Variants in KCND3 observed in about 807,000 individuals in gnomAD.
KCND3 encodes the protein A-type voltage-gated potassium channel KCND3.
Under a neutral mutation model 51.1 loss-of-function variants are expected in KCND3, and 9 were observed. The observed-to-expected ratio is 0.18, with a 90% confidence interval of 0.11 to 0.31. The LOEUF is 0.31. Ranked by LOEUF, KCND3 falls within the 10% of genes least tolerant of loss-of-function variation. The probability of loss-of-function intolerance (pLI) is 1.00; values close to 1 mark genes in which losing one functional copy is unlikely to be tolerated. For missense variants in KCND3, 526 were observed against 903.8 expected (o/e 0.58, Z 5.36); for synonymous variants, 349 against 368.0 (o/e 0.95, Z 0.59).
intron 2 of KCND3, among the ~76,000 whole-genome samples, chr1:111,848,892 G>A (rs1667685066): frequency 6.6e-6 from 1 of 152,142 alleles, no homozygotes; most frequent in South Asian, 2.1e-4. Context: ...CATCCACAGG[G>A]GCTGGGGGCA....
chr1:111,952,818 G>A (rs1320745792), intron 2 of KCND3, among the ~76,000 whole-genome samples: 1 of 152,170 alleles, frequency 6.6e-6, no homozygotes, highest in East Asian at 1.9e-4. Context: ...AAGCCAGCAA[G>A]GGGAGGGAAA....
At chr1:111,906,971 A>C (rs1333191768) in intron 2 of KCND3, among the ~76,000 whole-genome samples, 1 of 151,358 alleles carries the variant, frequency 6.6e-6, no homozygotes, top group Non-Finnish European at 1.5e-5. Flanking sequence ...TAAAACACCC[A>C]CTCCCCTCTT....
chr1:111,928,521 C>T (rs987682053), intron 2 of KCND3, among the ~76,000 whole-genome samples: 5 of 152,208 alleles, frequency 3.3e-5, no homozygotes, highest in East Asian at 1.9e-4. Flanking sequence ...TGGCTTCAGA[C>T]GGCATCACGC....
intron 2 of KCND3, among the ~76,000 whole-genome samples, chr1:111,889,654 G>A (rs1669734976): frequency 1.3e-5 from 2 of 152,126 alleles, no homozygotes; most frequent in African/African-American, 2.4e-5. Context: ...CAAATGTAAA[G>A]GTGAAGGGGC....
chr1:111,888,214 C>A (rs1669656729), intron 2 of KCND3, among the ~76,000 whole-genome samples: 1 of 152,128 alleles, frequency 6.6e-6, no homozygotes, highest in South Asian at 2.1e-4. Context: ...CCTCCAAGGG[C>A]CAGAGGCCAA....
In KCND3 at chr1:111,858,992, C is replaced by CA. The variant is rs538626382; in HGVS notation, c.1107-71887dup. On this transcript the variant is annotated intron_variant, in intron 2 of 7. Transcript: ENST00000302127. Reference sequence around the variant, plus strand: ...GTCATTTGGGACCTTCTGGGACCAGCAGCACAATAGCTCTCTCACTGGTCT... The same window carrying CA: ...GTCATTTGGGACCTTCTGGGACCAGCAAGCACAATAGCTCTCTCACTGGTCT... Among the ~76,000 whole-genome samples, 24 of 152,360 alleles carry CA rather than the reference C, an allele frequency of 1.6e-4. No individual in the cohort carries two copies. The South Asian group carries it at 4.8e-3, about 30-fold the overall frequency.
chr1:111,784,145 C>CACT (rs1553236817), intron 3 of KCND3, among the ~76,000 whole-genome samples: 2,618 of 125,126 alleles, frequency 0.021, 31 homozygotes, highest in East Asian at 0.039. Context: ...ACACACACAC[C>CACT]AGTCCAAGTA....
chr1:111,927,629 C>T (rs1013308580), intron 2 of KCND3, among the ~76,000 whole-genome samples: 1 of 152,184 alleles, frequency 6.6e-6, no homozygotes, highest in Non-Finnish European at 1.5e-5. Context: ...CTTCTCTTTG[C>T]CTTCTCTTCC....
intron 2 of KCND3, among the ~76,000 whole-genome samples, chr1:111,937,563 C>A (rs1158532897): frequency 6.6e-6 from 1 of 152,208 alleles, no homozygotes; most frequent in Non-Finnish European, 1.5e-5. Context: ...CACACTGGGG[C>A]TCATGCCTTT....
intron 2 of KCND3, among the ~76,000 whole-genome samples, chr1:111,861,433 C>T (rs182883960): frequency 3.9e-5 from 6 of 152,308 alleles, no homozygotes; most frequent in Admixed American, 2.0e-4. Context: ...TTCCCTCCCC[C>T]AGCCCAGTCT....
Position 111,982,063 on chromosome 1 carries a change from A to G in KCND3, c.664T>C (p.Tyr222His). 6.2e-7 allele frequency: 1 copy of G among 1,613,676 alleles called. No individual in the cohort carries two copies. Among genetic ancestry groups the G allele is most frequent in the Non-Finnish European group, 8.5e-7 (1 of 1,179,956 alleles). Reference protein sequence around the residue: ...GSKELPCGERYSVAFFCLDTA... With the variant: ...GSKELPCGERHSVAFFCLDTA... The stretch of plus-strand genomic sequence containing the variant: ...TCCAGGCAGAAGAAGGCCACCGAGT[A>G]GCGCTCCCCGCACGGCAGCTCCTTG... Residue 222 changes from tyrosine (Y) to histidine (H), a missense_variant, in exon 2 of 8, where the codon TAC becomes CAC. Tyr to His is a moderately conservative substitution (Grantham distance 83). Transcript: ENST00000302127. This position sits in a 1 kb window ranked among gnomAD's most constrained non-coding sequence, Gnocchi z 8.5.
chr1:111,772,763 GGTTT>G lies in KCND3; in HGVS notation c.*3310_*3313del, dbSNP rs748170191. On this transcript the variant is annotated 3_prime_UTR_variant, in exon 8 of 8. Coordinates refer to ENST00000302127, the MANE Select transcript of KCND3 (RefSeq NM_001378969.1). ...AATGTAACTGTTAGGTTGGTTGGTTGGTTTGTTTTTCCCTCCCCCTCTTAATGCT... is the reference window on the plus strand; with the variant it reads ...AATGTAACTGTTAGGTTGGTTGGTTGGTTTTTCCCTCCCCCTCTTAATGCT... 5.3e-5 allele frequency: 8 copies of G among 152,128 alleles called. No individual in the cohort carries two copies. Among genetic ancestry groups the G allele is most frequent in the Non-Finnish European group, 8.8e-5 (6 of 68,024 alleles). The allele number at this position is 152,128 out of a possible 1,614,324, so 9.4% of individuals were successfully genotyped here. A position where few individuals can be genotyped will look rare whatever the true frequency, so the allele number is the denominator to read the frequency against.
At chr1:111,868,126 C>G (rs962951601) in intron 2 of KCND3, among the ~76,000 whole-genome samples, 5 of 152,166 alleles carry the variant, frequency 3.3e-5, no homozygotes, top group Admixed American at 3.3e-4. Flanking sequence ...TGTGGTCAAC[C>G]ATGGTCTGAA....
intron 2 of KCND3, among the ~76,000 whole-genome samples, chr1:111,797,722 T>C (rs554701280): frequency 6.6e-6 from 1 of 152,172 alleles, no homozygotes; most frequent in South Asian, 2.1e-4. Context: ...GGAAGAACTA[T>C]GAGAAATTAC....
chr1:111,825,530 T>C (rs1666535779), intron 2 of KCND3, among the ~76,000 whole-genome samples: 1 of 152,220 alleles, frequency 6.6e-6, no homozygotes, highest in African/African-American at 2.4e-5. Flanking sequence ...TCTCTTCCTA[T>C]TCTTTCTACA....
At chr1:111,809,664 T>TGTGTGTGTGTATGC (rs1665756983) in intron 2 of KCND3, among the ~76,000 whole-genome samples, 1 of 152,114 alleles carries the variant, frequency 6.6e-6, no homozygotes, top group African/African-American at 2.4e-5. Context: ...TGTGTGTGTG[T>TGTGTGTGTGTATGC]GTGTGTGTGT....
At chr1:111,874,349 T>C (rs1668956784) in intron 2 of KCND3, among the ~76,000 whole-genome samples, 1 of 152,210 alleles carries the variant, frequency 6.6e-6, no homozygotes, top group African/African-American at 2.4e-5. Flanking sequence ...TCAAATACGC[T>C]GTTCTTTCAA....
chr1:111,959,005 C>T (rs985446578), intron 2 of KCND3, among the ~76,000 whole-genome samples: 8 of 152,216 alleles, frequency 5.3e-5, no homozygotes, highest in South Asian at 2.1e-4. Flanking sequence ...CACCCAATGA[C>T]AGATCCATAT....
intron 2 of KCND3, among the ~76,000 whole-genome samples, chr1:111,976,258 G>A (rs1674618039): frequency 1.3e-5 from 2 of 152,142 alleles, no homozygotes; most frequent in Admixed American, 6.5e-5. Flanking sequence ...GAGTCTGCAG[G>A]AAAAAGCGTA....
Sources: allele counts gnomAD v4.1 joint callset (sites outside exome capture counted in the v4.1 genomes callset), GRCh38; gene constraint gnomAD v4.1.1; non-coding constraint Gnocchi (gnomAD v3.1); transcripts MANE v1.5; gene names NCBI Gene and HGNC (gene_info 2026-07-23, HGNC 2026-07-21).